THSD7A: variants seen among roughly 807,000 people sequenced by gnomAD.
THSD7A encodes thrombospondin type-1 domain-containing protein 7A.
In THSD7A, 96 loss-of-function variants were observed where a neutral mutation model predicts 231.3. The observed-to-expected ratio is 0.41, with a 90% CI of 0.35 to 0.49. The LOEUF (loss-of-function observed/expected upper bound fraction) is 0.49. Ranked by LOEUF, THSD7A falls within the 20% of genes least tolerant of loss-of-function variation. The pLI is 0.05. For synonymous variants in THSD7A, 940 were observed against 743.3 expected (o/e 1.26, Z -4.30); for missense variants, 2,290 against 2,070.2 (o/e 1.11, Z -2.06).
At chr7:11,443,368 T>C (rs529676890) in intron 13 of THSD7A, among the ~76,000 whole-genome samples, 25 of 152,098 alleles carry the variant, frequency 1.6e-4, no homozygotes, top group Non-Finnish European at 3.4e-4. Flanking sequence ...TTTATATTTT[T>C]CTTGGTATCT....
chr7:11,661,964 T>C (rs1368869026), intron 1 of THSD7A, among the ~76,000 whole-genome samples: 1 of 151,078 alleles, frequency 6.6e-6, no homozygotes, highest in African/African-American at 2.4e-5. Flanking sequence ...GAAGGAAAGC[T>C]AAACACAAAT....
At chr7:11,790,104 G>T (rs1463084709) in intron 1 of THSD7A, among the ~76,000 whole-genome samples, 1 of 151,770 alleles carries the variant, frequency 6.6e-6, no homozygotes, top group Admixed American at 6.6e-5. Context: ...GGTTAAAAAA[G>T]AACAAATTAA....
intron 11 of THSD7A, among the ~76,000 whole-genome samples, chr7:11,457,503 T>G (rs1224585946): frequency 6.6e-6 from 1 of 152,098 alleles, no homozygotes; most frequent in South Asian, 2.1e-4. Context: ...ATTACTGTTG[T>G]TTCTATGACT....
Position 11,814,715 on chromosome 7 carries a change from G to C in THSD7A, c.190+17042C>G, listed in dbSNP as rs1200799683. On this transcript the variant is annotated intron_variant, in intron 1 of 27. Transcript: ENST00000423059. This position sits in a 1 kb window ranked among gnomAD's most constrained non-coding sequence, Gnocchi z 5.1. ...AATATTGCAGTAAGAGACAGGGAGA[G>C]AAATGTATCTTAGCAGCAGTCAAAG... Among the ~76,000 whole-genome samples, 1 of 152,172 alleles carries C rather than the reference G, an allele frequency of 6.6e-6. No individual in the cohort carries two copies. Among genetic ancestry groups the C allele is most frequent in the Non-Finnish European group, 1.5e-5 (1 of 68,026 alleles).
At chr7:11,655,756 A>G (rs1033014402) in intron 1 of THSD7A, among the ~76,000 whole-genome samples, 18 of 151,894 alleles carry the variant, frequency 1.2e-4, no homozygotes, top group Non-Finnish European at 2.5e-4. Context: ...CTCACTCCAA[A>G]TATCTCTAAA....
At chr7:11,776,959 A>G (rs2128173252) in intron 1 of THSD7A, among the ~76,000 whole-genome samples, 1 of 152,312 alleles carries the variant, frequency 6.6e-6, no homozygotes, top group South Asian at 2.1e-4. Flanking sequence ...TTGATTTAAC[A>G]TCAACTGTAA....
At chr7:11,459,162 T>G (rs550776755) in intron 11 of THSD7A, among the ~76,000 whole-genome samples, 1 of 152,106 alleles carries the variant, frequency 6.6e-6, no homozygotes, top group Admixed American at 6.6e-5. Flanking sequence ...TTATGAAAAT[T>G]TGAATAATCC....
intron 1 of THSD7A, among the ~76,000 whole-genome samples, chr7:11,825,132 A>G (rs1445592520): frequency 6.6e-6 from 1 of 152,122 alleles, no homozygotes; most frequent in African/African-American, 2.4e-5. Flanking sequence ...AAATTTCTGC[A>G]ACTTATGTCA....
At chr7:11,606,671 A>G (rs986048383) in intron 2 of THSD7A, among the ~76,000 whole-genome samples, 1 of 152,130 alleles carries the variant, frequency 6.6e-6, no homozygotes, top group African/African-American at 2.4e-5. Context: ...ACTTTTTTAT[A>G]TTAATGATAT....
At position 11,459,482 on chromosome 7, in the gene THSD7A, A is replaced by G. The variant is rs537590161; in HGVS notation, c.2605+1180T>C. Among the ~76,000 whole-genome samples the G allele has an allele frequency of 2.0e-5, 3 of 152,208 alleles. No homozygotes were observed. The South Asian group carries it at 6.2e-4, about 32-fold the overall frequency. On this transcript the variant is annotated intron_variant, in intron 11 of 27. Transcript: ENST00000423059. ...TTCAGTTCTATATACTTAAGTCTCT[A>G]TAACTGTAAAGGGAGTCACAGTTAT...
chr7:11,448,886 C>G (rs1049960459), intron 11 of THSD7A, among the ~76,000 whole-genome samples: 3 of 152,040 alleles, frequency 2.0e-5, no homozygotes, highest in African/African-American at 4.8e-5. Flanking sequence ...AAGAAAAGAA[C>G]AGGGGCCCCT....
At chr7:11,641,412 G>C (rs773505752) in intron 1 of THSD7A, among the ~76,000 whole-genome samples, 3 of 152,098 alleles carry the variant, frequency 2.0e-5, no homozygotes, top group Non-Finnish European at 4.4e-5. Flanking sequence ...CGGGAATAAA[G>C]AGATTGAATT....
intron 1 of THSD7A, among the ~76,000 whole-genome samples, chr7:11,695,587 C>A (rs1263113170): frequency 1.3e-5 from 2 of 151,398 alleles, no homozygotes; most frequent in African/African-American, 4.8e-5. Flanking sequence ...GAACTGAACT[C>A]ATATTATAGG....
intron 1 of THSD7A, among the ~76,000 whole-genome samples, chr7:11,674,109 T>A (rs574987104): frequency 6.6e-6 from 1 of 151,884 alleles, no homozygotes; most frequent in East Asian, 2.0e-4. Flanking sequence ...AACCCTGAGG[T>A]AGGGGAGAGT....
At chr7:11,740,963 C>A (rs962692321) in intron 1 of THSD7A, among the ~76,000 whole-genome samples, 1 of 151,814 alleles carries the variant, frequency 6.6e-6, no homozygotes, top group East Asian at 2.0e-4. Context: ...AAAAATACAC[C>A]TCGGTAGAAG....
In THSD7A at chr7:11,502,418, C is replaced by T. The variant is rs539530747; in HGVS notation, c.1823-20436G>A. Among the ~76,000 whole-genome samples, 10 of 152,154 alleles carry T rather than the reference C, an allele frequency of 6.6e-5. No homozygotes were observed. In the South Asian group the frequency reaches 8.3e-4, roughly 13 times the overall value. ...TACTTGCAAACCAAATCCAGCAGCA[C>T]GTCAAAAACTAAATCACCATTATCA... On this transcript the variant is annotated intron_variant, in intron 6 of 27. Transcript: ENST00000423059.
intron 1 of THSD7A, among the ~76,000 whole-genome samples, chr7:11,779,958 C>A (rs1181106710): frequency 6.6e-6 from 1 of 152,174 alleles, no homozygotes; most frequent in African/African-American, 2.4e-5. Flanking sequence ...CTGTGTCTGT[C>A]TAAATTAAGG....
chr7:11,419,700 G>T (rs1201027636), intron 16 of THSD7A, among the ~76,000 whole-genome samples: 1 of 152,236 alleles, frequency 6.6e-6, no homozygotes, highest in Non-Finnish European at 1.5e-5. Flanking sequence ...ATCAGAAGAA[G>T]ACAGGAAGAT....
At chr7:11,735,657 C>T (rs1190163935) in intron 1 of THSD7A, among the ~76,000 whole-genome samples, 1 of 151,914 alleles carries the variant, frequency 6.6e-6, no homozygotes, top group African/African-American at 2.4e-5. Flanking sequence ...TCCTCTCAAG[C>T]ACAAGTTTTA....
Sources: gnomAD v4.1 joint callset for allele counts (sites outside exome capture counted in the v4.1 genomes callset) on GRCh38, gnomAD v4.1.1 for gene constraint, Gnocchi (gnomAD v3.1) non-coding constraint, MANE v1.5 for transcripts, NCBI Gene and HGNC (gene_info 2026-07-23, HGNC 2026-07-21) for gene names.